HSH2D: variants seen among roughly 807,000 people sequenced by gnomAD.
HSH2D encodes the protein hematopoietic SH2 domain-containing protein.
Under a neutral mutation model 21.5 loss-of-function variants are expected in HSH2D, and 16 were observed. The observed-to-expected ratio is 0.74, with a 90% CI of 0.50 to 1.13. The LOEUF (loss-of-function observed/expected upper bound fraction) is 1.13. Ranked by LOEUF, HSH2D falls within the 50% of genes most tolerant of loss-of-function variation. The probability of loss-of-function intolerance (pLI) is 0.00; values close to 1 mark genes in which losing one functional copy is unlikely to be tolerated. For synonymous variants in HSH2D, 172 were observed against 184.7 expected, an observed-to-expected ratio of 0.93 and a Z score of 0.56; for missense variants, 418 against 441.4, an observed-to-expected ratio of 0.95 and a Z score of 0.47.
intron 1 of HSH2D, 98 bp downstream of exon 1, chr19:16,143,872 G>A (rs2091027219): frequency 3.6e-6 from 1 of 276,006 alleles, no homozygotes; most frequent in Admixed American, 4.7e-5. Flanking sequence ...GGGGTGGCAG[G>A]AGGGATTTTC....
At chr19:16,152,487 A>C in intron 2 of HSH2D, 65 bp from the exon 3 acceptor site, 2 of 945,706 alleles carry the variant, frequency 2.1e-6, no homozygotes, top group Non-Finnish European at 3.0e-6. Context: ...CCATGGCCCC[A>C]GGAGTCTAAC....
rs2091186788 is a variant in HSH2D, at chr19:16,153,163, G to A, written c.336G>A (p.Lys112=). The part of the protein sequence containing the change: ...LDALVTFHQQ[K]PIEPRRELLT... Reference sequence around the variant, plus strand: ...CCCTGGTCACCTTCCACCAGCAGAAGCCAATTGAGCCGCGCAGGGAGCTGC... The same window carrying A: ...CCCTGGTCACCTTCCACCAGCAGAAACCAATTGAGCCGCGCAGGGAGCTGC... Residue 112 remains lysine, a synonymous_variant, in exon 4 of 6, where the codon AAG becomes AAA. Coordinates refer to ENST00000613986, the MANE Select transcript of HSH2D (RefSeq NM_001382417.1). 6.4e-7 allele frequency: 1 copy of A among 1,573,456 alleles called. No homozygotes were observed.
chr19:16,136,032 G>A (rs55968387), intron 1 of HSH2D, among the ~76,000 whole-genome samples: 21,646 of 152,090 alleles, frequency 0.14, 1,834 homozygotes, highest in East Asian at 0.29. Context: ...TGCAAACTCA[G>A]TGGGTTTGGG....
At chr19:16,141,221 T>C (rs574857343), upstream of HSH2D, among the ~76,000 whole-genome samples, 17 of 152,262 alleles carry the variant, frequency 1.1e-4, no homozygotes, top group African/African-American at 4.1e-4. Context: ...GCTCCACGTG[T>C]CTCCTGCTTA....
At chr19:16,139,437 C>A (rs75824846), upstream of HSH2D, among the ~76,000 whole-genome samples, 67 of 152,252 alleles carry the variant, frequency 4.4e-4, no homozygotes, top group East Asian at 0.012. Flanking sequence ...GAAAAATTAA[C>A]CGGGCATGGT....
intron 4 of HSH2D, 78 bp from the exon 5 acceptor site, chr19:16,154,321 T>A: frequency 2.1e-6 from 2 of 942,830 alleles, no homozygotes; most frequent in Non-Finnish European, 3.2e-6. Flanking sequence ...GGATGGTCCC[T>A]GAGACCTGCC....
intron 2 of HSH2D, chr19:16,151,340 AAAG>A (rs1203769375): frequency 7.9e-6 from 2 of 254,154 alleles, no homozygotes; most frequent in Non-Finnish European, 8.0e-6. Flanking sequence ...AAAAAAAAAA[AAAG>A]AGAGAGAGAG....
chr19:16,139,664 A>T (rs1156913256), upstream of HSH2D: 1 of 152,224 alleles, frequency 6.6e-6, no homozygotes, highest in Non-Finnish European at 1.5e-5. Context: ...GCATTTTCCC[A>T]GCACTAAGAT....
intron 2 of HSH2D, 90 bp from the exon 3 acceptor site, chr19:16,152,462 T>A: frequency 1.5e-6 from 1 of 659,488 alleles, no homozygotes; most frequent in Non-Finnish European, 2.3e-6. Context: ...CTACCAGCCT[T>A]CTCCATGAAT....
rs534395327 is a variant in HSH2D, at chr19:16,154,120, G to A, written c.382-279G>A. On this transcript the variant is annotated intron_variant, in intron 4 of 5. Transcript: ENST00000613986. ...GACCTAGCGCCCAAGAAACTGTTGT[G>A]GGCGGGGCATCTTTCCTTAGAAGGC... Among the ~76,000 whole-genome samples the A allele has an allele frequency of 2.4e-3, 298 of 125,914 alleles. 2 individuals carry two copies. Among genetic ancestry groups the A allele is most frequent in the African/African-American group, 7.7e-3 (289 of 37,674 alleles). The allele number at this position is 125,914 out of a possible 152,430, so 82.6% of individuals were successfully genotyped here. A position where few individuals can be genotyped will look rare whatever the true frequency, so the allele number is the denominator to read the frequency against.
At chr19:16,148,692 T>A (rs2091104442) in intron 1 of HSH2D, 32 bp from the exon 2 acceptor site, 2 of 1,606,282 alleles carry the variant, frequency 1.2e-6, no homozygotes, top group Non-Finnish European at 1.7e-6. Flanking sequence ...GCATCAAGCT[T>A]GATTCTTGTC....
upstream of HSH2D, chr19:16,139,835 G>A (rs1200766815): frequency 1.3e-5 from 2 of 152,234 alleles, no homozygotes; most frequent in African/African-American, 4.8e-5. Flanking sequence ...CTCCCCATCA[G>A]GGCACCTTCG....
At chr19:16,137,973 A>G (rs569095811) in intron 1 of HSH2D, among the ~76,000 whole-genome samples, 21 of 152,212 alleles carry the variant, frequency 1.4e-4, no homozygotes, top group South Asian at 6.2e-4. Context: ...GGTTCAAGCA[A>G]TTCTCATGCC....
In HSH2D at chr19:16,157,413, C is replaced by A; in HGVS notation, c.678C>A (p.Ala226=). The A allele has an allele frequency of 6.2e-7, 1 of 1,613,942 alleles. No individual in the cohort carries two copies. The highest frequency in any genetic ancestry group is 2.2e-5 in the East Asian group (1 of 44,878). The change falls in exon 6 of 6, where the codon GCC becomes GCA. Residue 226 remains alanine, a synonymous_variant. Transcript: ENST00000613986. The surrounding 1 kb of genome is among the most constrained non-coding windows in gnomAD (Gnocchi z 4.4). Reference sequence around the variant, plus strand: ...GGCAGCAGCTAAAAAGCCACCTCGCCACTGTGAACTTGTCGTCACTCTTGG... The same window carrying A: ...GGCAGCAGCTAAAAAGCCACCTCGCAACTGTGAACTTGTCGTCACTCTTGG... ...RVRQQLKSHL[A]TVNLSSLLDV...
At position 16,157,873 on chromosome 19, in the gene HSH2D, C is replaced by A. The variant is rs544600227; in HGVS notation, c.*79C>A. 2 of 1,061,548 alleles carry A rather than the reference C, an allele frequency of 1.9e-6. No individual in the cohort carries two copies. The highest frequency in any genetic ancestry group is 1.6e-5 in the African/African-American group (1 of 62,464). The allele number at this position is 1,061,548 out of a possible 1,614,324, so 65.8% of individuals were successfully genotyped here. A position where few individuals can be genotyped will look rare whatever the true frequency, so the allele number is the denominator to read the frequency against. ...GAATGCCTTAACATTTCTTCCATGGCCCCACACCATGGCATCCGGGGGTCT... is the reference window on the plus strand; with the variant it reads ...GAATGCCTTAACATTTCTTCCATGGACCCACACCATGGCATCCGGGGGTCT... On this transcript the variant is annotated 3_prime_UTR_variant, in exon 6 of 6. Coordinates refer to ENST00000613986, the MANE Select transcript of HSH2D (RefSeq NM_001382417.1). This position sits in a 1 kb window ranked among gnomAD's most constrained non-coding sequence, Gnocchi z 4.4.
intron 5 of HSH2D, among the ~76,000 whole-genome samples, chr19:16,155,164 C>G (rs555256205): frequency 1.3e-5 from 2 of 152,104 alleles, no homozygotes; most frequent in South Asian, 2.1e-4. Context: ...CTTTAGGCAC[C>G]CCTAGGTTGA....
chr19:16,149,450 G>T (rs1479561271), intron 2 of HSH2D, among the ~76,000 whole-genome samples: 1 of 152,026 alleles, frequency 6.6e-6, no homozygotes, highest in Admixed American at 6.6e-5. Context: ...TGATTCACCC[G>T]CCTCGGCCTC....
chr19:16,144,190 A>C (rs1051568751), intron 1 of HSH2D, among the ~76,000 whole-genome samples: 2 of 152,024 alleles, frequency 1.3e-5, no homozygotes, highest in African/African-American at 4.8e-5. Context: ...AGGACACAGA[A>C]AAAAACAACA....
rs1245461799 is a variant in HSH2D, at chr19:16,152,674, A to G, written c.215+33A>G. 2.6e-6 allele frequency: 4 copies of G among 1,509,466 alleles called. No individual in the cohort carries two copies. In the African/African-American group the frequency reaches 5.5e-5, roughly 21 times the overall value. 93.5% of individuals were successfully genotyped at this position (1,509,466 alleles called of 1,614,324 possible). A position where few individuals can be genotyped will look rare whatever the true frequency, so the allele number is the denominator to read the frequency against. On this transcript the variant is annotated intron_variant, in intron 3 of 5. Transcript: ENST00000613986. ...CTGGGCCGGGATCCAGGGCAGGGGC[A>G]GGTGGGCTCTTGGGTTTCCTTGGAG...
Sources: allele counts gnomAD v4.1 joint callset (sites outside exome capture counted in the v4.1 genomes callset), GRCh38; gene constraint gnomAD v4.1.1; non-coding constraint Gnocchi (gnomAD v3.1); transcripts MANE v1.5; gene names NCBI Gene and HGNC (gene_info 2026-07-23, HGNC 2026-07-21).